The following ZBBX variants were observed in gnomAD, a reference collection of about 807,000 sequenced individuals.
ZBBX encodes zinc finger B-box domain containing, also known as zinc finger B-box domain-containing protein 1.
ZBBX carries 101 observed loss-of-function variants against 108.5 expected under a neutral mutation model. The ratio of observed to expected loss-of-function variants is 0.93; its 90% confidence interval spans 0.79 to 1.10. ZBBX has a LOEUF of 1.10. Among genes scored for constraint, ZBBX ranks in the 50% least tolerant of loss-of-function variants. ZBBX has a pLI of 0.00. For missense variants in ZBBX, 1,009 were observed against 941.4 expected (o/e 1.07, Z -0.94); for synonymous variants, 356 against 323.4 (o/e 1.10, Z -1.08).
intron 17 of ZBBX, among the ~76,000 whole-genome samples, chr3:167,303,357 A>C (rs1461768442): frequency 6.6e-6 from 1 of 152,206 alleles, no homozygotes; most frequent in Non-Finnish European, 1.5e-5. Context: ...CTAATCATAC[A>C]TATCTAACAG....
the ZBBX span, among the ~76,000 whole-genome samples, chr3:167,196,701 A>T: frequency 6.6e-6 from 1 of 152,188 alleles, no homozygotes; most frequent in Non-Finnish European, 1.5e-5. Context: ...AATACTATTG[A>T]CAATAGAAGC....
rs1209398887 is a variant in ZBBX, at chr3:167,359,924, T to A, written c.378A>T (p.Lys126Asn). ...YKMANSSECE[K>N]PKINGKVCGQ... ...CACATACTTTCCCATTTATCTTGGG[T>A]TTTTCACATTCTGAAGAATTTGCCA... Residue 126 changes from lysine to asparagine, a missense_variant, in exon 8 of 22, where the codon AAA becomes AAT. Lys to Asn is a moderately conservative substitution (Grantham distance 94). Coordinates refer to ENST00000675490, the MANE Select transcript of ZBBX (RefSeq NM_001199201.2). The A allele has an allele frequency of 6.3e-7, 1 of 1,588,286 alleles. No individual in the cohort carries two copies. The highest frequency in any genetic ancestry group is 2.3e-5 in the East Asian group (1 of 43,534).
intron 6 of ZBBX, among the ~76,000 whole-genome samples, chr3:167,364,034 A>C (rs1232389437): frequency 6.6e-6 from 1 of 152,024 alleles, no homozygotes; most frequent in Non-Finnish European, 1.5e-5. Flanking sequence ...GGAAAGGTTA[A>C]GTGAATGTTA....
chr3:167,348,330 A>G (rs1183403050), intron 9 of ZBBX, among the ~76,000 whole-genome samples: 4 of 99,098 alleles, frequency 4.0e-5, no homozygotes, highest in East Asian at 4.8e-4. Context: ...GAAAGAAAGA[A>G]AGAAAGAAAG....
At chr3:167,262,061 C>T (rs1358462025) in intron 20 of ZBBX, among the ~76,000 whole-genome samples, 5 of 152,192 alleles carry the variant, frequency 3.3e-5, no homozygotes, top group Admixed American at 3.3e-4. Flanking sequence ...GCTCGGCTCT[C>T]CAAATTAACT....
intron 8 of ZBBX, among the ~76,000 whole-genome samples, chr3:167,355,436 G>A (rs914240046): frequency 4.6e-5 from 7 of 151,842 alleles, no homozygotes; most frequent in African/African-American, 1.7e-4. Flanking sequence ...AGGTCACATA[G>A]CTAATAACAG....
intron 1 of ZBBX, among the ~76,000 whole-genome samples, chr3:167,395,744 C>A (rs114651353): frequency 6.6e-6 from 1 of 151,940 alleles, no homozygotes; most frequent in African/African-American, 2.4e-5. Context: ...GGGTTCCCTT[C>A]AATTTTAGCT....
intron 1 of ZBBX, among the ~76,000 whole-genome samples, chr3:167,397,934 A>G (rs987138580): frequency 6.6e-6 from 1 of 151,916 alleles, no homozygotes; most frequent in African/African-American, 2.4e-5. Context: ...TAAGGAGACA[A>G]CAATCAAGCA....
rs1184082915 is a variant in ZBBX at position 167,280,341 on chromosome 3, T to C, written c.2254+1897A>G. 2.4e-4 allele frequency among the ~76,000 whole-genome samples: 36 copies of C among 151,124 alleles called. 1 individual carries two copies. Among genetic ancestry groups the C allele is most frequent in the Non-Finnish European group, 4.7e-4 (32 of 67,810 alleles). ...AACCTATAAAATGGGAGAAAATTTTTGCAACCTACTCATCTGACAAAGGGC... is the reference window on the plus strand; with the variant it reads ...AACCTATAAAATGGGAGAAAATTTTCGCAACCTACTCATCTGACAAAGGGC... On this transcript the variant is annotated intron_variant, in intron 20 of 21. Transcript: ENST00000675490.
At chr3:167,390,136 T>G (rs530119714) in intron 1 of ZBBX, among the ~76,000 whole-genome samples, 12 of 152,328 alleles carry the variant, frequency 7.9e-5, no homozygotes, top group African/African-American at 2.6e-4. Context: ...GAGTTAATTT[T>G]TATATAAGGT....
intron 17 of ZBBX, among the ~76,000 whole-genome samples, chr3:167,303,837 A>G (rs1281878423): frequency 6.6e-6 from 1 of 152,194 alleles, no homozygotes; most frequent in Non-Finnish European, 1.5e-5. Flanking sequence ...TCTCAAAAAT[A>G]AGTCATAATG....
chr3:167,198,592 G>T, the ZBBX span, among the ~76,000 whole-genome samples: 1 of 152,062 alleles, frequency 6.6e-6, no homozygotes, highest in Non-Finnish European at 1.5e-5. Context: ...AAAGAGTCTT[G>T]TCTAAATGTT....
In ZBBX at chr3:167,330,865, G is replaced by GAAAAGAAGAAGAAGAAGA. The variant is rs1553820632; in HGVS notation, c.688-2750_688-2749insTCTTCTTCTTCTTCTTTT. Reference sequence around the variant, plus strand: ...GGAAGAGGAGGAGGAGGAGGAGGAGGAGGAGGAGAAGAAGAAGAAGAAGAA... The same window carrying GAAAAGAAGAAGAAGAAGA: ...GGAAGAGGAGGAGGAGGAGGAGGAGGAAAAGAAGAAGAAGAAGAAGGAGGAGAAGAAGAAGAAGAAGAA... On this transcript the variant is annotated intron_variant, in intron 10 of 21. Coordinates refer to ENST00000675490, the MANE Select transcript of ZBBX (RefSeq NM_001199201.2). Among the ~76,000 whole-genome samples the GAAAAGAAGAAGAAGAAGA allele has an allele frequency of 3.7e-4, 8 of 21,856 alleles. No individual in the cohort carries two copies. The South Asian group carries it at 0.024, about 65-fold the overall frequency. 14.3% of individuals were successfully genotyped at this position (21,856 alleles called of 152,430 possible).
At chr3:167,331,304 G>A (rs941385016) in intron 10 of ZBBX, among the ~76,000 whole-genome samples, 1 of 152,074 alleles carries the variant, frequency 6.6e-6, no homozygotes, top group Non-Finnish European at 1.5e-5. Flanking sequence ...TATAGGTTTT[G>A]GAAAAGACAG....
intron 20 of ZBBX, among the ~76,000 whole-genome samples, chr3:167,246,063 T>A (rs779446050): frequency 3.3e-5 from 5 of 152,174 alleles, no homozygotes; most frequent in Non-Finnish European, 5.9e-5. Context: ...GCCTCAGTTA[T>A]TGAATATGAA....
At chr3:167,352,203 T>C (rs1290400742) in intron 8 of ZBBX, among the ~76,000 whole-genome samples, 1 of 151,586 alleles carries the variant, frequency 6.6e-6, no homozygotes, top group Non-Finnish European at 1.5e-5. Flanking sequence ...AATGAAAAAT[T>C]GGGTCTTTGA....
chr3:167,199,854 C>T, the ZBBX span, among the ~76,000 whole-genome samples: 4 of 152,150 alleles, frequency 2.6e-5, no homozygotes, highest in African/African-American at 4.8e-5. Flanking sequence ...CTACCACAAA[C>T]GGAGTGCTTA....
rs776626221 is a variant in ZBBX, at chr3:167,282,478, G to A, written c.2014C>T (p.Pro672Ser). 5 of 1,604,700 alleles carry A rather than the reference G, an allele frequency of 3.1e-6. No homozygotes were observed. In the South Asian group the frequency reaches 4.5e-5, roughly 14 times the overall value. The change falls in exon 20 of 22, where the codon CCT becomes TCT. Residue 672 changes from proline to serine, a missense_variant. Pro to Ser is a moderately conservative substitution (Grantham distance 74). Coordinates refer to ENST00000675490, the MANE Select transcript of ZBBX (RefSeq NM_001199201.2). ...QQKMGQKSQR[P>S]STANFPLSNS... The stretch of plus-strand genomic sequence containing the variant: ...GAAAGTGGAAAATTTGCTGTTGAAG[G>A]TCTCTGTGATTTCTGACCTAAAATT...
intron 1 of ZBBX, among the ~76,000 whole-genome samples, chr3:167,402,696 G>A (rs752767253): frequency 6.6e-6 from 1 of 151,832 alleles, no homozygotes; most frequent in Non-Finnish European, 1.5e-5. Context: ...TATGAGAATA[G>A]GTGGATAGGT....
Sources: allele counts gnomAD v4.1 joint callset (sites outside exome capture counted in the v4.1 genomes callset), GRCh38; gene constraint gnomAD v4.1.1; transcripts MANE v1.5; gene names NCBI Gene and HGNC (gene_info 2026-07-23, HGNC 2026-07-21).